PRKCZ: variants seen among roughly 807,000 people sequenced by gnomAD.
PRKCZ encodes the protein protein kinase C zeta type.
Under a neutral mutation model 79.5 loss-of-function variants are expected in PRKCZ, and 33 were observed. The observed-to-expected ratio is 0.41, with a 90% CI of 0.31 to 0.55. The LOEUF (loss-of-function observed/expected upper bound fraction) is 0.55, where lower values mean the gene tolerates loss of function less well. Among genes scored for constraint, PRKCZ ranks in the 20% least tolerant of loss-of-function variants. The pLI, the probability that PRKCZ is intolerant of heterozygous loss-of-function variation, is 0.19. For missense variants in PRKCZ, 578 were observed against 813.5 expected, an observed-to-expected ratio of 0.71 and a Z score of 3.52; for synonymous variants, 342 against 320.9, an observed-to-expected ratio of 1.07 and a Z score of -0.70.
chr1:2,068,637 T>A (rs1458878042), intron 4 of PRKCZ, among the ~76,000 whole-genome samples: 2 of 152,236 alleles, frequency 1.3e-5, no homozygotes, highest in Non-Finnish European at 2.9e-5. Context: ...ACTTGTCTTT[T>A]TGGAGGCCCA....
chr1:2,170,867 G>C (rs1684290592), intron 11 of PRKCZ, among the ~76,000 whole-genome samples: 1 of 152,236 alleles, frequency 6.6e-6, no homozygotes, highest in African/African-American at 2.4e-5. Flanking sequence ...GGATGGAGGG[G>C]CCACACTTTG....
intron 4 of PRKCZ, chr1:2,104,742 A>G: frequency 1.0e-6 from 1 of 985,742 alleles, no homozygotes; most frequent in Non-Finnish European, 1.2e-6. Context: ...CCAGACAGGC[A>G]GGACGCAGCG....
chr1:2,160,242 T>TGTGC (rs1417891651), intron 10 of PRKCZ, among the ~76,000 whole-genome samples: 1 of 82,190 alleles, frequency 1.2e-5, no homozygotes, highest in Non-Finnish European at 2.9e-5. Context: ...AGTGTGCGTG[T>TGTGC]GTGTGTGTGT....
intron 4 of PRKCZ, among the ~76,000 whole-genome samples, chr1:2,112,691 GTTTT>G (rs147375796): frequency 2.7e-5 from 4 of 146,424 alleles, no homozygotes; most frequent in African/African-American, 7.6e-5. Context: ...TGGTTGGTTG[GTTTT>G]TTTTTTTTTT....
intron 4 of PRKCZ, chr1:2,074,161 C>T: frequency 6.5e-7 from 1 of 1,547,930 alleles, no homozygotes; most frequent in African/African-American, 1.4e-5. Context: ...AGGGGAAACG[C>T]AGTGAGAGGC....
intron 4 of PRKCZ, among the ~76,000 whole-genome samples, chr1:2,116,880 T>C (rs1670855051): frequency 1.3e-5 from 2 of 152,228 alleles, no homozygotes; most frequent in South Asian, 4.1e-4. Context: ...GTATGGGAGA[T>C]TAGCATCTTT....
intron 4 of PRKCZ, among the ~76,000 whole-genome samples, chr1:2,085,810 G>C (rs533453610): frequency 1.5e-3 from 221 of 152,264 alleles, no homozygotes; most frequent in Non-Finnish European, 2.5e-3. Flanking sequence ...AGGGGCTGAG[G>C]ATATGGGGGG....
At chr1:2,067,167 G>A (rs1041288193) in intron 4 of PRKCZ, among the ~76,000 whole-genome samples, 7 of 152,252 alleles carry the variant, frequency 4.6e-5, no homozygotes, top group South Asian at 2.1e-4. Flanking sequence ...GAAATCTACC[G>A]CGGCTGAGTC....
At chr1:2,181,610 G>T (rs1188365134) in intron 16 of PRKCZ, among the ~76,000 whole-genome samples, 2 of 152,180 alleles carry the variant, frequency 1.3e-5, no homozygotes, top group Non-Finnish European at 2.9e-5. Context: ...AAGAGGAGGA[G>T]GTAACGCTGG....
intron 4 of PRKCZ, among the ~76,000 whole-genome samples, chr1:2,120,626 C>T (rs1487486681): frequency 1.3e-5 from 2 of 151,850 alleles, no homozygotes; most frequent in Non-Finnish European, 2.9e-5. Flanking sequence ...GCATCCTGTT[C>T]TCTCTCCCCT....
chr1:2,163,166 C>G (rs1224656503), intron 10 of PRKCZ, among the ~76,000 whole-genome samples: 1 of 152,256 alleles, frequency 6.6e-6, no homozygotes. Context: ...CCAGCTGGAA[C>G]ACTTTGCACC....
At chr1:2,074,314 G>T (rs1231508897) in intron 4 of PRKCZ, 1 of 1,549,386 alleles carries the variant, frequency 6.5e-7, no homozygotes, top group South Asian at 1.2e-5. Flanking sequence ...GGCGGTGGCT[G>T]TGGAGGGCTG....
At chr1:2,085,004 C>T (rs1471921310) in intron 4 of PRKCZ, among the ~76,000 whole-genome samples, 2 of 147,442 alleles carry the variant, frequency 1.4e-5, no homozygotes, top group Non-Finnish European at 3.0e-5. Flanking sequence ...GTGAGACCCT[C>T]TTAAAAAAAG....
At chr1:2,161,199 G>C (rs935273905) in intron 10 of PRKCZ, among the ~76,000 whole-genome samples, 5 of 152,228 alleles carry the variant, frequency 3.3e-5, no homozygotes, top group Admixed American at 6.5e-5. Context: ...ACACGGTGAC[G>C]GCTCAGCGGC....
intron 10 of PRKCZ, among the ~76,000 whole-genome samples, chr1:2,164,970 T>G (rs1440990019): frequency 6.6e-6 from 1 of 152,192 alleles, no homozygotes; most frequent in Non-Finnish European, 1.5e-5. Flanking sequence ...CTGCCTCCCA[T>G]GCGTCCTTTC....
At position 2,057,690 on chromosome 1, in the gene PRKCZ, A is replaced by ACC. The variant is rs74944936; in HGVS notation, c.283+1124_283+1125dup. On this transcript the variant is annotated intron_variant, in intron 3 of 17. Transcript: ENST00000378567. ...AGACCAACCTGGGCAACATAGTGAG[A>ACC]CCCCCCCCTCTCCAAAACTTGTTTT... Among the ~76,000 whole-genome samples the ACC allele has an allele frequency of 8.6e-5, 13 of 150,372 alleles. No individual in the cohort carries two copies. In the East Asian group the frequency reaches 1.8e-3, roughly 20 times the overall value.
At chr1:2,183,237 AAAAAC>A (rs1223579542) in intron 16 of PRKCZ, among the ~76,000 whole-genome samples, 2 of 151,836 alleles carry the variant, frequency 1.3e-5, no homozygotes, top group African/African-American at 4.9e-5. Flanking sequence ...AACAAAAACA[AAAAAC>A]AAAATTAGCT....
intron 4 of PRKCZ, chr1:2,074,349 G>A (rs920256268): frequency 7.2e-6 from 11 of 1,537,326 alleles, no homozygotes; most frequent in African/African-American, 2.7e-5. Flanking sequence ...TGGGGAAATC[G>A]TCTTGGGCTC....
intron 4 of PRKCZ, among the ~76,000 whole-genome samples, chr1:2,105,424 C>T (rs1267763725): frequency 1.3e-5 from 2 of 152,158 alleles, no homozygotes; most frequent in African/African-American, 4.8e-5. Flanking sequence ...TTTTTTGAGA[C>T]AGTCTCACTC....
Sources: gnomAD v4.1 joint callset for allele counts (sites outside exome capture counted in the v4.1 genomes callset) on GRCh38, gnomAD v4.1.1 for gene constraint, MANE v1.5 for transcripts, NCBI Gene and HGNC (gene_info 2026-07-23, HGNC 2026-07-21) for gene names.